The following HTR4 variants were observed in gnomAD, a reference collection of about 807,000 sequenced individuals.
The protein encoded by HTR4 is 5-hydroxytryptamine (serotonin) receptor 4, G protein-coupled.
HTR4 carries 16 observed loss-of-function variants against 36.8 expected under a neutral mutation model. The observed-to-expected ratio is 0.43, with a 90% CI of 0.29 to 0.66. HTR4 has a LOEUF of 0.66. HTR4 is among the 30% of genes least tolerant of loss of function. The pLI is 0.13. For synonymous variants in HTR4, 189 were observed against 185.1 expected (o/e 1.02, Z -0.17); for missense variants, 438 against 490.9 (o/e 0.89, Z 1.02).
At chr5:148,640,154 T>C (rs940458695) in intron 1 of HTR4, among the ~76,000 whole-genome samples, 2 of 152,188 alleles carry the variant, frequency 1.3e-5, no homozygotes, top group Non-Finnish European at 2.9e-5. Flanking sequence ...GCTTACATCA[T>C]TCTTGTCATC....
Position 148,465,729 on chromosome 5 carries a change from T to C in HTR4, c.1077-14457A>G, listed in dbSNP as rs1181010994. ...GGGCTCTGCAGTTCTGTGCCAACAA[T>C]TGTGCACCCTTAACTTTGTCCTGTG... On this transcript the variant is annotated intron_variant, in intron 5 of 5. Coordinates refer to the HTR4 transcript ENST00000521530. 6.0e-6 allele frequency: 8 copies of C among 1,324,456 alleles called. No individual in the cohort carries two copies. In the South Asian group the frequency reaches 1.3e-4, roughly 21 times the overall value. The allele number at this position is 1,324,456 out of a possible 1,614,324, so 82.0% of individuals were successfully genotyped here.
chr5:148,630,841 G>T (rs1753297419), intron 2 of HTR4, among the ~76,000 whole-genome samples: 1 of 152,080 alleles, frequency 6.6e-6, no homozygotes, highest in African/African-American at 2.4e-5. Flanking sequence ...AAAACTGAAG[G>T]CTCAGAGAGA....
At chr5:148,510,882 G>C (rs961900865) in intron 5 of HTR4, among the ~76,000 whole-genome samples, 1 of 152,204 alleles carries the variant, frequency 6.6e-6, no homozygotes, top group East Asian at 1.9e-4. Flanking sequence ...GGGCTTGGGG[G>C]AAAGAAAGGG....
At chr5:148,546,674 C>G (rs2895768) in intron 4 of HTR4, among the ~76,000 whole-genome samples, 1 of 152,112 alleles carries the variant, frequency 6.6e-6, no homozygotes, top group East Asian at 1.9e-4. Context: ...TTTCTTACTC[C>G]TGCTTTTACA....
chr5:148,489,675 G>T (rs1756325309), intron 6 of HTR4, among the ~76,000 whole-genome samples: 1 of 152,184 alleles, frequency 6.6e-6, no homozygotes, highest in Non-Finnish European at 1.5e-5. Context: ...TTCGCTATTT[G>T]TTTGGGAAAA....
chr5:148,613,277 C>T (rs1394648054), intron 2 of HTR4, among the ~76,000 whole-genome samples: 3 of 132,080 alleles, frequency 2.3e-5, no homozygotes, highest in African/African-American at 8.7e-5. Context: ...TGCAAAAATC[C>T]TCAATAAAAT....
rs974873123 is a variant in HTR4 at position 148,549,001 on chromosome 5, A to G, written c.153-133T>C. On this transcript the variant is annotated intron_variant, in intron 3 of 6. Coordinates refer to ENST00000377888, the MANE Select transcript of HTR4 (RefSeq NM_000870.7). The stretch of plus-strand genomic sequence containing the variant: ...AGAAAAGAAGGGAGGGGGAAAGAGG[A>G]AAGAAAAAGTCACATGCTTAGTGTA... The G allele has an allele frequency of 5.9e-6, 4 of 679,912 alleles. No homozygotes were observed. The African/African-American group carries it at 7.2e-5, about 12-fold the overall frequency. The allele number at this position is 679,912 out of a possible 1,614,324, so 42.1% of individuals were successfully genotyped here. A position where few individuals can be genotyped will look rare whatever the true frequency, so the allele number is the denominator to read the frequency against.
chr5:148,607,799 A>G (rs183527535), intron 2 of HTR4, among the ~76,000 whole-genome samples: 1 of 152,334 alleles, frequency 6.6e-6, no homozygotes, highest in Non-Finnish European at 1.5e-5. Context: ...AGCCTAAAAC[A>G]TAAATGTCCC....
At chr5:148,499,855 A>T (rs1206533273) in intron 6 of HTR4, among the ~76,000 whole-genome samples, 1 of 152,184 alleles carries the variant, frequency 6.6e-6, no homozygotes, top group Non-Finnish European at 1.5e-5. Context: ...GTTGTTAAAA[A>T]GAGTCTAGCA....
At chr5:148,538,454 A>G (rs151275605) in intron 4 of HTR4, among the ~76,000 whole-genome samples, 2 of 152,306 alleles carry the variant, frequency 1.3e-5, no homozygotes, top group East Asian at 3.9e-4. Context: ...TGAAGATAAC[A>G]TGATTCTATA....
intron 4 of HTR4, among the ~76,000 whole-genome samples, chr5:148,527,213 A>C (rs1228443722): frequency 6.6e-6 from 1 of 152,196 alleles, no homozygotes; most frequent in Non-Finnish European, 1.5e-5. Context: ...ATCTTGCAGG[A>C]CAAAAAGTAC....
intron 2 of HTR4, among the ~76,000 whole-genome samples, chr5:148,552,579 A>G (rs1193830197): frequency 2.0e-5 from 3 of 152,192 alleles, no homozygotes; most frequent in African/African-American, 7.2e-5. Context: ...TCCTGGAATG[A>G]TTCTTCAGTG....
At chr5:148,477,466 T>C (rs1581352812), downstream of HTR4, among the ~76,000 whole-genome samples, 1 of 152,178 alleles carries the variant, frequency 6.6e-6, no homozygotes, top group South Asian at 2.1e-4. Flanking sequence ...TTCTTGCTGC[T>C]AACAAGAACG....
intron 4 of HTR4, among the ~76,000 whole-genome samples, chr5:148,534,737 C>T (rs1288925203): frequency 1.3e-5 from 2 of 152,074 alleles, no homozygotes; most frequent in African/African-American, 4.8e-5. Flanking sequence ...ACTTGGGCCC[C>T]AGCACATACC....
At chr5:148,564,548 T>G (rs371563583) in intron 2 of HTR4, among the ~76,000 whole-genome samples, 3 of 152,160 alleles carry the variant, frequency 2.0e-5, no homozygotes, top group African/African-American at 7.2e-5. Flanking sequence ...TTTAAAGTAG[T>G]GATCAACACA....
At chr5:148,453,752 G>C (rs1309439631) in intron 5 of HTR4, among the ~76,000 whole-genome samples, 2 of 152,314 alleles carry the variant, frequency 1.3e-5, no homozygotes, top group East Asian at 3.9e-4. Context: ...GGTCTGAGCA[G>C]AGCACCAACA....
intron 3 of HTR4, 115 bp from the exon 4 acceptor site, chr5:148,548,983 A>C: frequency 1.4e-6 from 1 of 738,046 alleles, no homozygotes; most frequent in African/African-American, 1.8e-5. Context: ...AGAAGAAAAG[A>C]AGGGAGGGGG....
In HTR4 at chr5:148,529,575, T is replaced by C. The variant is rs140544165; in HGVS notation, c.354-6229A>G. ...GTGAGTCCATTGAATCTCTTTCTTT[T>C]GTAAATTGCCCAGTCTTGGGTATGT... On this transcript the variant is annotated intron_variant, in intron 4 of 6. Transcript: ENST00000377888. 1.1e-3 allele frequency among the ~76,000 whole-genome samples: 173 copies of C among 152,346 alleles called. 1 individual carries two copies. Among genetic ancestry groups the C allele is most frequent in the Non-Finnish European group, 1.7e-3 (118 of 68,026 alleles).
chr5:148,552,519 T>C (rs1759748031), intron 2 of HTR4, among the ~76,000 whole-genome samples: 1 of 152,174 alleles, frequency 6.6e-6, no homozygotes, highest in Non-Finnish European at 1.5e-5. Context: ...ACGGCCCCCC[T>C]GAAACTCATC....
Sources: gnomAD v4.1 joint callset for allele counts (sites outside exome capture counted in the v4.1 genomes callset) on GRCh38, gnomAD v4.1.1 for gene constraint, MANE v1.5 for transcripts, NCBI Gene and HGNC (gene_info 2026-07-23, HGNC 2026-07-21) for gene names.